PLEKHA6: variants seen among roughly 807,000 people sequenced by gnomAD.
The protein encoded by PLEKHA6 is pleckstrin homology domain containing A6.
In PLEKHA6, 60 loss-of-function variants were observed where a neutral mutation model predicts 116.7. The observed-to-expected ratio is 0.51, with a 90% confidence interval of 0.42 to 0.64. The LOEUF is 0.64. PLEKHA6 is among the 30% of genes least tolerant of loss of function. The pLI, the probability that PLEKHA6 is intolerant of heterozygous loss-of-function variation, is 0.00. For missense variants in PLEKHA6, 1,338 were observed against 1,422.7 expected (o/e 0.94, Z 0.96); for synonymous variants, 489 against 556.1 (o/e 0.88, Z 1.70).
At chr1:204,241,656 C>T (rs773076325) in intron 16 of PLEKHA6, 29 bp downstream of exon 16, 1 of 1,553,918 alleles carries the variant, frequency 6.4e-7, no homozygotes, top group Non-Finnish European at 8.7e-7. Context: ...CCTTGCCTTA[C>T]TTCTAGGGGA....
At chr1:204,325,767 A>T (rs1302129222) in intron 1 of PLEKHA6, 2 of 257,000 alleles carry the variant, frequency 7.8e-6, no homozygotes, top group Admixed American at 1.3e-4. Context: ...CTGTGAACAA[A>T]CCCAGGAGGC....
rs777326901 is a variant in PLEKHA6 at position 204,257,523 on chromosome 1, G to A, written c.1354C>T (p.Arg452Cys). ...SSLRRLSLQP[R>C]SHSVPRSPSQ... ...GGTGAGCGGGGCACAGAGTGGGAGC[G>A]GGGCTGCAGGGACAGGCGGCGCAGG... is the stretch of plus-strand genomic sequence containing the variant. The change falls in exon 9 of 23, where the codon CGC becomes TGC. Residue 452 changes from arginine to cysteine, a missense_variant. By Grantham distance (180) the Arg-to-Cys change is radical. Transcript: ENST00000272203. The surrounding 1 kb of genome is among the most constrained non-coding windows in gnomAD (Gnocchi z 6.5). 22 of 1,592,606 alleles carry A rather than the reference G, an allele frequency of 1.4e-5. No homozygotes were observed. The highest frequency in any genetic ancestry group is 4.5e-5 in the East Asian group (2 of 44,142).
intron 1 of PLEKHA6, among the ~76,000 whole-genome samples, chr1:204,319,358 C>T (rs1671975143): frequency 6.6e-6 from 1 of 152,216 alleles, no homozygotes; most frequent in African/African-American, 2.4e-5. Flanking sequence ...ATACTGGGTA[C>T]AACCCATGAC....
At position 204,359,793 on chromosome 1, in the gene PLEKHA6, G is replaced by A. The variant is rs1022135170; in HGVS notation, c.-194C>T. On this transcript the variant is annotated 5_prime_UTR_variant, in exon 1 of 23. Coordinates refer to ENST00000272203, the MANE Select transcript of PLEKHA6 (RefSeq NM_014935.5). Reference sequence around the variant, plus strand: ...AGGCCAGCTGGGGTCCTCCTCCCCCGCCCCTGGGGCCCCCTTCTGCAGAGC... The same window carrying A: ...AGGCCAGCTGGGGTCCTCCTCCCCCACCCCTGGGGCCCCCTTCTGCAGAGC... The A allele has an allele frequency of 2.9e-5, 18 of 623,590 alleles. No homozygotes were observed. Among genetic ancestry groups the A allele is most frequent in the African/African-American group, 5.9e-5 (3 of 50,762 alleles). 38.6% of individuals were successfully genotyped at this position (623,590 alleles called of 1,614,324 possible).
chr1:204,298,613 A>T (rs1264396365), intron 1 of PLEKHA6, among the ~76,000 whole-genome samples: 1 of 152,160 alleles, frequency 6.6e-6, no homozygotes, highest in Admixed American at 6.5e-5. Flanking sequence ...TGGGGTGTGT[A>T]AACTCTCTAG....
At chr1:204,365,622 C>T (rs1257686803) in intron 3 of PLEKHA6, among the ~76,000 whole-genome samples, 1 of 152,190 alleles carries the variant, frequency 6.6e-6, no homozygotes, top group African/African-American at 2.4e-5. Context: ...GGGCTGGTAG[C>T]TGAAGCAGAA....
chr1:204,371,725 T>C (rs1673782798), intron 1 of PLEKHA6: 2 of 152,228 alleles, frequency 1.3e-5, no homozygotes, highest in African/African-American at 2.4e-5. Flanking sequence ...GATGAGAGCA[T>C]CCACAAGGCT....
At position 204,241,358 on chromosome 1, in the gene PLEKHA6, C is replaced by T. The variant is rs1234168857; in HGVS notation, c.2409+17G>A. 16 of 1,535,020 alleles carry T rather than the reference C, an allele frequency of 1.0e-5. No homozygotes were observed. The Admixed American group carries it at 2.5e-4, about 24-fold the overall frequency. On this transcript the variant is annotated intron_variant, in intron 17 of 22. Transcript: ENST00000272203. Reference sequence around the variant, plus strand: ...GCAGCCCAGCTCAGGCCTGCATGAGCTTGCAGAGGTACCCACCTGGGAGGA... The same window carrying T: ...GCAGCCCAGCTCAGGCCTGCATGAGTTTGCAGAGGTACCCACCTGGGAGGA...
At position 204,296,252 on chromosome 1, in the gene PLEKHA6, C is replaced by T. The variant is rs192472690; in HGVS notation, c.-94-21443G>A. Among the ~76,000 whole-genome samples, 7 of 152,290 alleles carry T rather than the reference C, an allele frequency of 4.6e-5. No individual in the cohort carries two copies. In the East Asian group the frequency reaches 1.4e-3, roughly 29 times the overall value. On this transcript the variant is annotated intron_variant, in intron 1 of 22. Transcript: ENST00000272203. The stretch of plus-strand genomic sequence containing the variant: ...ATTTCTGAACACTGGTGCACACTCA[C>T]ATGCGTGTGTTTCGTGGCCTCCTGG...
chr1:204,360,647 C>T (rs897466646), upstream of PLEKHA6, among the ~76,000 whole-genome samples: 1 of 151,982 alleles, frequency 6.6e-6, no homozygotes, highest in African/African-American at 2.4e-5. Context: ...GTATTGGAGT[C>T]GAGAGGCTTA....
intron 1 of PLEKHA6, among the ~76,000 whole-genome samples, chr1:204,375,112 C>A (rs1673844035): frequency 6.6e-6 from 1 of 152,152 alleles, no homozygotes; most frequent in Admixed American, 6.5e-5. Flanking sequence ...CCAGCCTGGC[C>A]TCTGTTCCTC....
Position 204,261,387 on chromosome 1 carries a change from G to A in PLEKHA6, c.443C>T (p.Ala148Val), listed in dbSNP as rs1239967369. Residue 148 changes from alanine to valine, a missense_variant, in exon 7 of 23, where the codon GCC (alanine) becomes GTC (valine). By Grantham distance (64) the Ala-to-Val change is moderately conservative (BLOSUM62 0). Transcript: ENST00000272203. The surrounding 1 kb of genome is among the most constrained non-coding windows in gnomAD (Gnocchi z 4.0). ...AGCCTCCCCCATGGCCTGGATCCAGGCCTCTTGCTCCTCGGGGCTCTCGGC... is the reference window on the plus strand; with the variant it reads ...AGCCTCCCCCATGGCCTGGATCCAGACCTCTTGCTCCTCGGGGCTCTCGGC... The part of the protein sequence containing the change: ...FSAESPEEQE[A>V]WIQAMGEAAR... 3 of 1,614,116 alleles carry A rather than the reference G, an allele frequency of 1.9e-6. No individual in the cohort carries two copies. The highest frequency in any genetic ancestry group is 2.5e-6 in the Non-Finnish European group (3 of 1,180,000).
intron 1 of PLEKHA6, among the ~76,000 whole-genome samples, chr1:204,281,559 T>G (rs1668618939): frequency 1.3e-5 from 2 of 150,954 alleles, no homozygotes; most frequent in Non-Finnish European, 3.0e-5. Flanking sequence ...GACCCCTGTC[T>G]CTAAAAAACA....
In PLEKHA6 at chr1:204,259,970, T is replaced by G. The variant is rs60215019; in HGVS notation, c.525-230A>C. ...CCGCCCCTGCCCACACCTGCTGTGT[T>G]AACTCTGCCCCCCACGTCTTCTCTG... is the stretch of plus-strand genomic sequence containing the variant. On this transcript the variant is annotated intron_variant, in intron 7 of 22. Coordinates refer to ENST00000272203, the MANE Select transcript of PLEKHA6 (RefSeq NM_014935.5). This position sits in a 1 kb window ranked among gnomAD's most constrained non-coding sequence, Gnocchi z 4.6. Among the ~76,000 whole-genome samples, 3,652 of 152,192 alleles carry G rather than the reference T, an allele frequency of 0.024. 115 individuals are homozygous for G. The highest frequency in any genetic ancestry group is 0.076 in the African/African-American group (3,149 of 41,504).
At chr1:204,303,571 T>C (rs1671017231) in intron 1 of PLEKHA6, among the ~76,000 whole-genome samples, 1 of 152,198 alleles carries the variant, frequency 6.6e-6, no homozygotes, top group Non-Finnish European at 1.5e-5. Context: ...TGTCTCAGAT[T>C]CTGGCAGCTG....
intron 1 of PLEKHA6, chr1:204,276,948 G>C (rs879725489): frequency 2.0e-5 from 3 of 152,604 alleles, no homozygotes; most frequent in Non-Finnish European, 4.4e-5. Flanking sequence ...TGCCAACTCA[G>C]CTTGCTCTGA....
Position 204,221,789 on chromosome 1 carries a change from C to G in PLEKHA6, c.*999G>C, listed in dbSNP as rs1203268497. The G allele has an allele frequency of 6.5e-6, 1 of 152,908 alleles. No individual in the cohort carries two copies. The highest frequency in any genetic ancestry group is 1.9e-4 in the East Asian group (1 of 5,200). The allele number at this position is 152,908 out of a possible 1,614,324, so 9.5% of individuals were successfully genotyped here. On this transcript the variant is annotated 3_prime_UTR_variant, in exon 23 of 23. Transcript: ENST00000272203. ...TCTCCCAGGCAGTCGCTACTCAACC[C>G]CCTTCACCCAGATCCCCACACCAAG...
In PLEKHA6 at chr1:204,257,645, T is replaced by C; in HGVS notation, c.1232A>G (p.Glu411Gly). 1 of 1,609,654 alleles carries C rather than the reference T, an allele frequency of 6.2e-7. No homozygotes were observed. The highest frequency in any genetic ancestry group is 8.5e-7 in the Non-Finnish European group (1 of 1,178,376). Residue 411 changes from glutamate (E) to glycine (G), a missense_variant, in exon 9 of 23, where the codon GAG becomes GGG. Glu to Gly is a moderately conservative substitution (Grantham distance 98). This residue lies in a region of PLEKHA6 where 1,136 missense variants were observed against 1,163.6 expected (regional missense o/e 0.98). Transcript: ENST00000272203. The surrounding 1 kb of genome is among the most constrained non-coding windows in gnomAD (Gnocchi z 6.5). Reference sequence around the variant, plus strand: ...ATCCTGCCGCCCGTAGCTGGCGGGCTCCTTCCACTCTCGCAGCTGGTAGGC... The same window carrying C: ...ATCCTGCCGCCCGTAGCTGGCGGGCCCCTTCCACTCTCGCAGCTGGTAGGC... The part of the protein sequence containing the change: ...GPAYQLREWK[E>G]PASYGRQDAT...
chr1:204,286,205 C>T (rs1669159434), intron 1 of PLEKHA6, among the ~76,000 whole-genome samples: 1 of 152,180 alleles, frequency 6.6e-6, no homozygotes, highest in Non-Finnish European at 1.5e-5. Flanking sequence ...GGAAGACAAT[C>T]TCAGAGGAAC....
Sources: allele counts gnomAD v4.1 joint callset (sites outside exome capture counted in the v4.1 genomes callset), GRCh38; gene constraint gnomAD v4.1.1; regional missense constraint gnomAD v4.1.1; non-coding constraint Gnocchi (gnomAD v3.1); transcripts MANE v1.5; gene names NCBI Gene and HGNC (gene_info 2026-07-23, HGNC 2026-07-21).